The following GALNTL6 variants were observed in gnomAD, a reference collection of about 807,000 sequenced individuals.
GALNTL6 encodes the protein polypeptide N-acetylgalactosaminyltransferase like 6.
Under a neutral mutation model 73.7 loss-of-function variants are expected in GALNTL6, and 46 were observed. The ratio of observed to expected loss-of-function variants is 0.62; its 90% CI spans 0.49 to 0.80. GALNTL6 has a LOEUF of 0.80. Among genes scored for constraint, GALNTL6 ranks in the 30% least tolerant of loss-of-function variants. GALNTL6 has a pLI of 0.00. For missense variants in GALNTL6, 604 were observed against 755.0 expected, an observed-to-expected ratio of 0.80 and a Z score of 2.34; for synonymous variants, 259 against 263.7, an observed-to-expected ratio of 0.98 and a Z score of 0.17.
intron 2 of GALNTL6, among the ~76,000 whole-genome samples, chr4:171,933,697 A>G (rs951468212): frequency 6.6e-6 from 1 of 151,592 alleles, no homozygotes. Flanking sequence ...TGCAAGAATT[A>G]TTTTAATTAT....
intron 3 of GALNTL6, among the ~76,000 whole-genome samples, chr4:172,278,507 T>A (rs1738912836): frequency 6.6e-6 from 1 of 152,072 alleles, no homozygotes. Context: ...CTGGGTCCCC[T>A]CCTGGTCATC....
intron 2 of GALNTL6, among the ~76,000 whole-genome samples, chr4:171,900,040 T>C (rs1174577395): frequency 2.6e-5 from 4 of 152,166 alleles, no homozygotes; most frequent in African/African-American, 7.2e-5. Flanking sequence ...TATATGATCT[T>C]ATTAAACTAA....
intron 2 of GALNTL6, among the ~76,000 whole-genome samples, chr4:171,949,368 G>A (rs1257425602): frequency 6.6e-6 from 1 of 152,074 alleles, no homozygotes; most frequent in Non-Finnish European, 1.5e-5. Context: ...TTGTGTTCTT[G>A]GTTTCTAGAA....
At chr4:171,908,586 C>T (rs563435172) in intron 2 of GALNTL6, among the ~76,000 whole-genome samples, 58 of 151,520 alleles carry the variant, frequency 3.8e-4, no homozygotes, top group Admixed American at 5.9e-4. Context: ...GTCAGTGTGG[C>T]GATTCCTCAG....
chr4:172,199,781 T>C (rs1472450103), intron 2 of GALNTL6, among the ~76,000 whole-genome samples: 1 of 152,184 alleles, frequency 6.6e-6, no homozygotes, highest in Non-Finnish European at 1.5e-5. Flanking sequence ...GCTTGCTTGC[T>C]TGTTTTAAAT....
At chr4:172,528,401 A>C (rs1735044368) in intron 5 of GALNTL6, among the ~76,000 whole-genome samples, 1 of 145,988 alleles carries the variant, frequency 6.8e-6, no homozygotes, top group Non-Finnish European at 1.5e-5. Flanking sequence ...TCTGTCACCC[A>C]GGCTGGAGTG....
Position 172,805,850 on chromosome 4 carries a change from A to G in GALNTL6, c.554-3511A>G, listed in dbSNP as rs941077709. On this transcript the variant is annotated intron_variant, in intron 5 of 12. Transcript: ENST00000506823. ...AAAATAAGAGAAATGGGGGGAGTAA[A>G]TTGGCAAATAGATGGGGCGCAACTG... Among the ~76,000 whole-genome samples the G allele has an allele frequency of 3.9e-5, 6 of 152,224 alleles. No individual in the cohort carries two copies. The East Asian group carries it at 7.7e-4, about 20-fold the overall frequency.
At chr4:172,974,803 G>T (rs1750733056) in intron 10 of GALNTL6, among the ~76,000 whole-genome samples, 2 of 152,246 alleles carry the variant, frequency 1.3e-5, no homozygotes, top group South Asian at 4.1e-4. Context: ...GCCGGCTGCA[G>T]CAGGGCAGGC....
chr4:171,981,569 C>T lies in GALNTL6; in HGVS notation c.138+166851C>T, dbSNP rs188719066. ...AGGAATAAAATAGGAAGCAGATTTG[C>T]CTTGGCTTAGTGATTTGGGGGTCTG... is the stretch of plus-strand genomic sequence containing the variant. On this transcript the variant is annotated intron_variant, in intron 2 of 12. Coordinates refer to ENST00000506823, the MANE Select transcript of GALNTL6 (RefSeq NM_001034845.3). 8.4e-4 allele frequency among the ~76,000 whole-genome samples: 128 copies of T among 152,196 alleles called. 1 individual carries two copies. Among genetic ancestry groups the T allele is most frequent in the African/African-American group, 3.0e-3 (125 of 41,538 alleles).
chr4:172,567,196 A>T (rs1202382131), intron 5 of GALNTL6, among the ~76,000 whole-genome samples: 1 of 151,754 alleles, frequency 6.6e-6, no homozygotes, highest in Non-Finnish European at 1.5e-5. Flanking sequence ...TTTTTCTCAG[A>T]AGCTCAAATA....
In GALNTL6 at chr4:171,873,027, T is replaced by C. The variant is rs370989434; in HGVS notation, c.138+58309T>C. 2.6e-5 allele frequency among the ~76,000 whole-genome samples: 4 copies of C among 152,196 alleles called. No individual in the cohort carries two copies. The East Asian group carries it at 7.7e-4, about 29-fold the overall frequency. The stretch of plus-strand genomic sequence containing the variant: ...ACATAAATCGTGAATCCTGAGATAC[T>C]TATTACTATCATAGGAACAAGTTAT... On this transcript the variant is annotated intron_variant, in intron 2 of 12. Transcript: ENST00000506823.
intron 2 of GALNTL6, among the ~76,000 whole-genome samples, chr4:172,012,638 G>T (rs1741052290): frequency 6.6e-6 from 1 of 152,026 alleles, no homozygotes; most frequent in Admixed American, 6.6e-5. Context: ...ACCCTCTGAT[G>T]CTGCTCTTCT....
intron 2 of GALNTL6, among the ~76,000 whole-genome samples, chr4:172,217,051 C>T (rs1184274369): frequency 6.6e-6 from 1 of 152,114 alleles, no homozygotes; most frequent in African/African-American, 2.4e-5. Flanking sequence ...ATTGCTGAGA[C>T]CAGGAGGCCA....
chr4:171,926,856 C>T (rs931719659), intron 2 of GALNTL6, among the ~76,000 whole-genome samples: 2 of 152,012 alleles, frequency 1.3e-5, no homozygotes, highest in African/African-American at 2.4e-5. Flanking sequence ...ACTAACTCTT[C>T]GTTAGTTTTA....
chr4:171,954,042 CT>C (rs1347167387), intron 2 of GALNTL6, among the ~76,000 whole-genome samples: 1 of 152,126 alleles, frequency 6.6e-6, no homozygotes, highest in Non-Finnish European at 1.5e-5. Context: ...ACCAGAAAAT[CT>C]ACTCACAAAT....
At chr4:172,147,752 C>T (rs1733965523) in intron 2 of GALNTL6, among the ~76,000 whole-genome samples, 1 of 152,108 alleles carries the variant, frequency 6.6e-6, no homozygotes, top group South Asian at 2.1e-4. Flanking sequence ...CAGGGGAGAT[C>T]TCTAAGAAAT....
At chr4:172,087,627 C>T (rs1054313523) in intron 2 of GALNTL6, among the ~76,000 whole-genome samples, 5 of 151,678 alleles carry the variant, frequency 3.3e-5, no homozygotes, top group Non-Finnish European at 7.4e-5. Context: ...AAATATATAT[C>T]ATTGCCTTTT....
At chr4:172,119,956 C>G (rs1733100554) in intron 2 of GALNTL6, among the ~76,000 whole-genome samples, 1 of 152,042 alleles carries the variant, frequency 6.6e-6, no homozygotes, top group Admixed American at 6.5e-5. Context: ...AAAAAGAGCT[C>G]AAGAGTTTCT....
intron 3 of GALNTL6, among the ~76,000 whole-genome samples, chr4:172,271,518 G>T (rs1157417698): frequency 6.6e-6 from 1 of 151,982 alleles, no homozygotes; most frequent in Non-Finnish European, 1.5e-5. Flanking sequence ...GTGCATATGT[G>T]TGTATAAACT....
Sources: allele counts gnomAD v4.1 joint callset (sites outside exome capture counted in the v4.1 genomes callset), GRCh38; gene constraint gnomAD v4.1.1; transcripts MANE v1.5; gene names NCBI Gene and HGNC (gene_info 2026-07-23, HGNC 2026-07-21).